C1orf87: variants seen among roughly 807,000 people sequenced by gnomAD.
The protein encoded by C1orf87 is uncharacterized protein C1orf87.
Under a neutral mutation model 60.5 loss-of-function variants are expected in C1orf87, and 58 were observed. The observed-to-expected ratio is 0.96, with a 90% CI of 0.78 to 1.19. C1orf87 has a LOEUF of 1.19. Ranked by LOEUF, C1orf87 falls within the 50% of genes most tolerant of loss-of-function variation. The probability of loss-of-function intolerance (pLI) is 0.00; values close to 1 mark genes in which losing one functional copy is unlikely to be tolerated. For synonymous variants in C1orf87, 236 were observed against 227.4 expected (o/e 1.04, Z -0.34); for missense variants, 673 against 638.6 (o/e 1.05, Z -0.58).
At chr1:60,057,741 C>G (rs1252104621) in intron 2 of C1orf87, among the ~76,000 whole-genome samples, 5 of 152,104 alleles carry the variant, frequency 3.3e-5, no homozygotes, top group South Asian at 4.1e-4. Context: ...TACCTTGGGT[C>G]TCATCGGGGA....
At chr1:60,067,294 G>C (rs868658873) in intron 2 of C1orf87, among the ~76,000 whole-genome samples, 1 of 152,132 alleles carries the variant, frequency 6.6e-6, no homozygotes, top group African/African-American at 2.4e-5. Flanking sequence ...GTGTAAAAGC[G>C]TTCCTATTTC....
rs116991108 is a variant in C1orf87, at chr1:60,046,485, G to C, written c.343-5354C>G. ...AATTTTTTCTGTTACCCAGGCTAGC[G>C]TGCAGAGTAGCACAGCCATTATTCA... On this transcript the variant is annotated intron_variant, in intron 3 of 11. Coordinates refer to ENST00000371201, the MANE Select transcript of C1orf87 (RefSeq NM_152377.3). Among the ~76,000 whole-genome samples the C allele has an allele frequency of 5.9e-4, 72 of 122,892 alleles. 1 individual carries two copies. The South Asian group carries it at 0.018, about 31-fold the overall frequency. The allele number at this position is 122,892 out of a possible 152,430, so 80.6% of individuals were successfully genotyped here. A position where few individuals can be genotyped will look rare whatever the true frequency, so the allele number is the denominator to read the frequency against.
At chr1:60,048,660 TG>T (rs1244332931) in intron 3 of C1orf87, among the ~76,000 whole-genome samples, 1 of 152,136 alleles carries the variant, frequency 6.6e-6, no homozygotes. Context: ...CAGAGAAGTA[TG>T]GTTTCTATTT....
chr1:60,000,319 G>A (rs1485524816), intron 10 of C1orf87, among the ~76,000 whole-genome samples: 1 of 152,072 alleles, frequency 6.6e-6, no homozygotes, highest in Non-Finnish European at 1.5e-5. Flanking sequence ...CAAAATAAAA[G>A]AGCAAAGTAT....
rs543241322 is a variant in C1orf87 at position 60,034,666 on chromosome 1, T to C, written c.864-1025A>G. 3.9e-5 allele frequency among the ~76,000 whole-genome samples: 6 copies of C among 152,332 alleles called. No individual in the cohort carries two copies. In the South Asian group the frequency reaches 1.0e-3, roughly 26 times the overall value. Reference sequence around the variant, plus strand: ...AGGAGTTGGGAAGAGGTGTGCATCATTGGCCCTCATGTCTGGCTCCTGCAC... The same window carrying C: ...AGGAGTTGGGAAGAGGTGTGCATCACTGGCCCTCATGTCTGGCTCCTGCAC... On this transcript the variant is annotated intron_variant, in intron 6 of 11. Coordinates refer to ENST00000371201, the MANE Select transcript of C1orf87 (RefSeq NM_152377.3).
chr1:60,040,225 C>G (rs375750944), intron 4 of C1orf87, 45 bp from the exon 5 acceptor site: 1 of 1,570,084 alleles, frequency 6.4e-7, no homozygotes, highest in Non-Finnish European at 8.6e-7. Context: ...TTCAATCAGC[C>G]GGCTAAAGAC....
rs1491099259 is a variant in C1orf87 at position 60,064,818 on chromosome 1, TAA to T, written c.107+7717_107+7718del. Reference sequence around the variant, plus strand: ...AATATATAATTATATTTAATATATATAAATATATATTAAATATATAATTATAT... The same window carrying T: ...AATATATAATTATATTTAATATATATATATATATTAAATATATAATTATAT... On this transcript the variant is annotated intron_variant, in intron 2 of 11. Transcript: ENST00000371201. Among the ~76,000 whole-genome samples, 137 of 92,884 alleles carry T rather than the reference TAA, an allele frequency of 1.5e-3. 2 individuals are homozygous for T. The highest frequency in any genetic ancestry group is 5.8e-3 in the African/African-American group (129 of 22,424). 60.9% of individuals were successfully genotyped at this position (92,884 alleles called of 152,430 possible).
At position 60,037,978 on chromosome 1, in the gene C1orf87, A is replaced by G; in HGVS notation, c.863+14T>C. ...ACCTAGGAACAATACCCTCACAAAA[A>G]GGGAGAAGAGTACCTTTGGCTATGA... On this transcript the variant is annotated intron_variant, in intron 6 of 11. Transcript: ENST00000371201. The G allele has an allele frequency of 6.4e-7, 1 of 1,567,106 alleles. No individual in the cohort carries two copies. The highest frequency in any genetic ancestry group is 1.1e-5 in the South Asian group (1 of 88,608).
At position 60,067,732 on chromosome 1, in the gene C1orf87, T is replaced by C. The variant is rs557837091; in HGVS notation, c.107+4805A>G. ...GCAGAAGTTCTTTAATTTAATTATATCCCATTTGTCAATTTTGGCTTTTGT... is the reference window on the plus strand; with the variant it reads ...GCAGAAGTTCTTTAATTTAATTATACCCCATTTGTCAATTTTGGCTTTTGT... On this transcript the variant is annotated intron_variant, in intron 2 of 11. Coordinates refer to ENST00000371201, the MANE Select transcript of C1orf87 (RefSeq NM_152377.3). Among the ~76,000 whole-genome samples, 10 of 152,208 alleles carry C rather than the reference T, an allele frequency of 6.6e-5. No homozygotes were observed. In the East Asian group the frequency reaches 1.7e-3, roughly 26 times the overall value.
At chr1:60,031,714 C>A (rs1645238857) in intron 7 of C1orf87, among the ~76,000 whole-genome samples, 1 of 152,140 alleles carries the variant, frequency 6.6e-6, no homozygotes, top group African/African-American at 2.4e-5. Flanking sequence ...AGTGGAAAAT[C>A]TGAGACTCAA....
intron 11 of C1orf87, among the ~76,000 whole-genome samples, chr1:59,997,345 G>A (rs191662439): frequency 6.6e-6 from 1 of 152,116 alleles, no homozygotes; most frequent in Non-Finnish European, 1.5e-5. Context: ...TTTAATCAGA[G>A]GAATTATAAA....
intron 3 of C1orf87, among the ~76,000 whole-genome samples, chr1:60,050,285 A>G (rs543089404): frequency 1.3e-5 from 2 of 151,822 alleles, no homozygotes; most frequent in South Asian, 4.2e-4. Context: ...GTTCAAATCT[A>G]CCCTTGTATC....
intron 8 of C1orf87, among the ~76,000 whole-genome samples, chr1:60,013,440 T>C (rs955916314): frequency 6.6e-6 from 1 of 152,038 alleles, no homozygotes; most frequent in Non-Finnish European, 1.5e-5. Flanking sequence ...TTTACCAAAA[T>C]TCTTTCTAGT....
chr1:60,067,387 G>A (rs1374950818), intron 2 of C1orf87, among the ~76,000 whole-genome samples: 2 of 152,052 alleles, frequency 1.3e-5, no homozygotes, highest in Non-Finnish European at 2.9e-5. Context: ...TCTCATTCCT[G>A]ACATTTCAAT....
intron 11 of C1orf87, among the ~76,000 whole-genome samples, chr1:59,991,766 C>T (rs1292034211): frequency 6.6e-6 from 1 of 152,108 alleles, no homozygotes. Flanking sequence ...TATGCCAATA[C>T]CAATGTCAGT....
At chr1:60,037,902 A>G in intron 6 of C1orf87, 90 bp downstream of exon 6, 1 of 725,846 alleles carries the variant, frequency 1.4e-6, no homozygotes, top group Non-Finnish European at 2.2e-6. Flanking sequence ...TATTCTTTAT[A>G]AGCCACCCAG....
intron 1 of C1orf87, among the ~76,000 whole-genome samples, chr1:60,073,273 A>G (rs540222930): frequency 3.9e-5 from 6 of 152,224 alleles, no homozygotes; most frequent in Admixed American, 6.5e-5. Flanking sequence ...CAAGGTGTTT[A>G]AACAGAGTGA....
At chr1:60,039,356 G>C (rs1398739981) in intron 5 of C1orf87, among the ~76,000 whole-genome samples, 1 of 152,142 alleles carries the variant, frequency 6.6e-6, no homozygotes, top group African/African-American at 2.4e-5. Context: ...TTCAGACATA[G>C]GTATGAGCTT....
rs1378681006 is a variant in C1orf87, at chr1:60,072,646, T to C, written c.-3A>G. ...GGAGTCTTCCAGGCTGAAGACATGA[T>C]TCCTTTCAAAATCCCTTCAGATCCC... On this transcript the variant is annotated 5_prime_UTR_variant, in exon 2 of 12. Transcript: ENST00000371201. 1.9e-6 allele frequency: 3 copies of C among 1,601,458 alleles called. No individual in the cohort carries two copies. In the Admixed American group the frequency reaches 5.1e-5, roughly 27 times the overall value.
Sources: allele counts gnomAD v4.1 joint callset (sites outside exome capture counted in the v4.1 genomes callset), GRCh38; gene constraint gnomAD v4.1.1; transcripts MANE v1.5; gene names NCBI Gene and HGNC (gene_info 2026-07-23, HGNC 2026-07-21).